Variants in INSR observed in about 807,000 individuals in gnomAD.
INSR encodes insulin receptor, also known as IR.
Under a neutral mutation model 142.6 loss-of-function variants are expected in INSR, and 67 were observed. That is an observed-to-expected ratio of 0.47 (90% CI 0.39 to 0.58). INSR has a LOEUF of 0.58. Ranked by LOEUF, INSR falls within the 20% of genes least tolerant of loss-of-function variation. INSR has a pLI of 0.00. For synonymous variants in INSR, 756 were observed against 743.1 expected, an observed-to-expected ratio of 1.02 and a Z score of -0.28; for missense variants, 1,248 against 1,833.2, an observed-to-expected ratio of 0.68 and a Z score of 5.83.
At position 7,224,094 on chromosome 19, in the gene INSR, C is replaced by A. The variant is rs1975704576; in HGVS notation, c.653-39457G>T. ...CAGTAGCTGGGACTACAGGCGTACA[C>A]CACCACACCCAGCTAATTTTTGTAT... On this transcript the variant is annotated intron_variant, in intron 2 of 21. Transcript: ENST00000302850. Among the ~76,000 whole-genome samples the A allele has an allele frequency of 2.0e-5, 3 of 152,122 alleles. No homozygotes were observed. In the Middle Eastern group the frequency reaches 0.01, roughly 517 times the overall value.
intron 2 of INSR, among the ~76,000 whole-genome samples, chr19:7,246,917 T>C (rs1164836429): frequency 8.1e-6 from 1 of 123,990 alleles, no homozygotes; most frequent in African/African-American, 5.5e-5. Context: ...GCTCCATGAA[T>C]GAACTTGGAT....
chr19:7,139,042 TG>T (rs1020883073), intron 13 of INSR, among the ~76,000 whole-genome samples: 6 of 152,118 alleles, frequency 3.9e-5, no homozygotes, highest in African/African-American at 1.4e-4. Flanking sequence ...CTAGCAAATG[TG>T]ATGCAAACAG....
At position 7,150,845 on chromosome 19, in the gene INSR, A is replaced by AT. The variant is rs1442826656; in HGVS notation, c.2232-314dup. ...CAGCCACTTCTCCAAGTCTGGCAGA[A>AT]TTTTTCTTTTCTTTCCCTTCTTTCT... On this transcript the variant is annotated intron_variant, in intron 10 of 21. Transcript: ENST00000302850. This position sits in a 1 kb window ranked among gnomAD's most constrained non-coding sequence, Gnocchi z 4.2. Among the ~76,000 whole-genome samples, 2 of 151,824 alleles carry AT rather than the reference A, an allele frequency of 1.3e-5. No individual in the cohort carries two copies. The highest frequency in any genetic ancestry group is 2.9e-5 in the Non-Finnish European group (2 of 67,926).
At chr19:7,229,266 G>C (rs1975886462) in intron 2 of INSR, among the ~76,000 whole-genome samples, 1 of 146,872 alleles carries the variant, frequency 6.8e-6, no homozygotes, top group Non-Finnish European at 1.5e-5. Context: ...TAGATGGATG[G>C]ATGGATGGGC....
intron 2 of INSR, among the ~76,000 whole-genome samples, chr19:7,221,274 T>C (rs950674328): frequency 6.6e-6 from 1 of 151,670 alleles, no homozygotes; most frequent in Admixed American, 6.6e-5. Context: ...CTCGGGAGGC[T>C]GAAGTGGGAG....
intron 3 of INSR, among the ~76,000 whole-genome samples, chr19:7,176,333 G>T (rs1974134580): frequency 6.6e-6 from 1 of 152,202 alleles, no homozygotes; most frequent in Non-Finnish European, 1.5e-5. Flanking sequence ...GGGCATGGTG[G>T]CTCATGCCTG....
At chr19:7,250,379 GAGGAAGGGAGAGA>G (rs201037798) in intron 2 of INSR, among the ~76,000 whole-genome samples, 4,425 of 110,874 alleles carry the variant, frequency 0.04, 186 homozygotes, top group African/African-American at 0.13. Context: ...AGGAGGGAGA[GAGGAAGGGAGAGA>G]AGGAAGGGAG....
At chr19:7,136,407 G>A (rs35055219) in intron 13 of INSR, among the ~76,000 whole-genome samples, 9,785 of 152,070 alleles carry the variant, frequency 0.064, 481 homozygotes, top group African/African-American at 0.13. Context: ...CTTTCTGAGT[G>A]TGGACATTGA....
At chr19:7,210,698 A>T (rs1239060621) in intron 2 of INSR, among the ~76,000 whole-genome samples, 1 of 152,012 alleles carries the variant, frequency 6.6e-6, no homozygotes, top group Non-Finnish European at 1.5e-5. Context: ...TATATATATA[A>T]ATATATATGT....
chr19:7,272,042 C>T (rs540175963), intron 1 of INSR, among the ~76,000 whole-genome samples: 47 of 152,212 alleles, frequency 3.1e-4, no homozygotes, highest in African/African-American at 1.0e-3. Flanking sequence ...CAGTGGCTCA[C>T]GCCTGTAATC....
chr19:7,283,747 C>G (rs1968269925), intron 1 of INSR, among the ~76,000 whole-genome samples: 1 of 152,070 alleles, frequency 6.6e-6, no homozygotes, highest in South Asian at 2.1e-4. Context: ...CAGTTTTAAA[C>G]CACTTGCAGC....
intron 2 of INSR, among the ~76,000 whole-genome samples, chr19:7,237,087 G>A (rs1436713349): frequency 1.3e-5 from 2 of 151,450 alleles, no homozygotes; most frequent in African/African-American, 4.9e-5. Flanking sequence ...GATAGGAAGT[G>A]AGTGAGGGAT....
intron 13 of INSR, among the ~76,000 whole-genome samples, chr19:7,140,888 A>T (rs1335149089): frequency 2.7e-5 from 4 of 150,818 alleles, no homozygotes; most frequent in Non-Finnish European, 5.9e-5. Context: ...TGTGTTTGGG[A>T]CATACAGTGA....
Position 7,119,643 on chromosome 19 carries a change from C to CAT in INSR, c.3660-61_3660-60insAT, listed in dbSNP as rs1159092924. On this transcript the variant is annotated intron_variant, in intron 20 of 21. Coordinates refer to ENST00000302850, the MANE Select transcript of INSR (RefSeq NM_000208.4). The surrounding 1 kb of genome is among the most constrained non-coding windows in gnomAD (Gnocchi z 5.2). ...CCATTTAGACACACACACACACGCG[C>CAT]GCGCGCAAACACACACACGCAAACG... The CAT allele has an allele frequency of 4.4e-6, 7 of 1,587,746 alleles. No individual in the cohort carries two copies. Among genetic ancestry groups the CAT allele is most frequent in the South Asian group, 3.3e-5 (3 of 90,318 alleles).
intron 2 of INSR, among the ~76,000 whole-genome samples, chr19:7,242,045 A>T (rs1467256026): frequency 1.3e-5 from 2 of 151,654 alleles, no homozygotes; most frequent in Non-Finnish European, 2.9e-5. Context: ...CCAGCTGCTT[A>T]GGAGGCTGAG....
At position 7,225,112 on chromosome 19, in the gene INSR, C is replaced by A. The variant is rs968933417; in HGVS notation, c.653-40475G>T. On this transcript the variant is annotated intron_variant, in intron 2 of 21. Coordinates refer to ENST00000302850, the MANE Select transcript of INSR (RefSeq NM_000208.4). The surrounding 1 kb of genome is among the most constrained non-coding windows in gnomAD (Gnocchi z 4.7). Reference sequence around the variant, plus strand: ...CTTAGAGTTTCCTATGCACCCAGCACTATTCCAATTATTAACCATTTATTT... The same window carrying A: ...CTTAGAGTTTCCTATGCACCCAGCAATATTCCAATTATTAACCATTTATTT... Among the ~76,000 whole-genome samples, 1 of 152,154 alleles carries A rather than the reference C, an allele frequency of 6.6e-6. No individual in the cohort carries two copies. Among genetic ancestry groups the A allele is most frequent in the African/African-American group, 2.4e-5 (1 of 41,416 alleles).
Position 7,151,397 on chromosome 19 carries a change from T to G in INSR, c.2232-865A>C, listed in dbSNP as rs957349781. ...CTCCAGCAATTCTCCCGCCTCAGCC[T>G]CCGGAGTAGCTGGGACTACAAGGCA... On this transcript the variant is annotated intron_variant, in intron 10 of 21. Transcript: ENST00000302850. Among the ~76,000 whole-genome samples the G allele has an allele frequency of 2.6e-5, 4 of 150,982 alleles. No individual in the cohort carries two copies. The Admixed American group carries it at 2.7e-4, about 10-fold the overall frequency.
intron 2 of INSR, among the ~76,000 whole-genome samples, chr19:7,240,395 C>A (rs1018395512): frequency 5.3e-5 from 8 of 151,552 alleles, no homozygotes; most frequent in African/African-American, 1.9e-4. Flanking sequence ...CCAGCCAGGC[C>A]AACATGGTGA....
At position 7,166,059 on chromosome 19, in the gene INSR, T is replaced by C. The variant is rs1009171560; in HGVS notation, c.1861+95A>G. The C allele has an allele frequency of 4.4e-6, 6 of 1,376,522 alleles. No homozygotes were observed. The African/African-American group carries it at 5.9e-5, about 13-fold the overall frequency. The allele number at this position is 1,376,522 out of a possible 1,614,324, so 85.3% of individuals were successfully genotyped here. A position where few individuals can be genotyped will look rare whatever the true frequency, so the allele number is the denominator to read the frequency against. On this transcript the variant is annotated intron_variant, in intron 8 of 21. Transcript: ENST00000302850. This position sits in a 1 kb window ranked among gnomAD's most constrained non-coding sequence, Gnocchi z 4.1. Reference sequence around the variant, plus strand: ...AAAAAAAAAAAAAAGCCAATAACCATATCAAGGAGCATTTTATACAACCTC... The same window carrying C: ...AAAAAAAAAAAAAAGCCAATAACCACATCAAGGAGCATTTTATACAACCTC...
Sources: allele counts gnomAD v4.1 joint callset (sites outside exome capture counted in the v4.1 genomes callset), GRCh38; gene constraint gnomAD v4.1.1; non-coding constraint Gnocchi (gnomAD v3.1); transcripts MANE v1.5; gene names NCBI Gene and HGNC (gene_info 2026-07-23, HGNC 2026-07-21).